The following C8B variants were observed in gnomAD, a reference collection of about 807,000 sequenced individuals.
The protein encoded by C8B is complement component C8 beta chain.
Under a neutral mutation model 64.6 loss-of-function variants are expected in C8B, and 67 were observed. The observed-to-expected ratio is 1.04, with a 90% CI of 0.85 to 1.27. The LOEUF (loss-of-function observed/expected upper bound fraction) is 1.27. C8B is among the 50% of genes most tolerant of loss of function. The pLI, the probability that C8B is intolerant of heterozygous loss-of-function variation, is 0.00. For missense variants in C8B, 790 were observed against 725.2 expected, an observed-to-expected ratio of 1.09 and a Z score of -1.03; for synonymous variants, 284 against 257.7, an observed-to-expected ratio of 1.10 and a Z score of -0.98.
rs1045562025 is a variant in C8B at position 56,940,987 on chromosome 1, C to T, written c.1260G>A (p.Val420=). 1 of 1,614,140 alleles carries T rather than the reference C, an allele frequency of 6.2e-7. No homozygotes were observed. Among genetic ancestry groups the T allele is most frequent in the Non-Finnish European group, 8.5e-7 (1 of 1,180,028 alleles). ...CTCGTACCAGGACCACCAAGTCCTC[C>T]ACCATGGTGTCCCTCTTGTTTCTGT... ...IKDRNKRDTM[V]EDLVVLVRGG... is the part of the protein sequence containing the mutation. Residue 420 remains valine (V), a synonymous_variant, in exon 9 of 12, where the codon GTG becomes GTA. Transcript: ENST00000371237.
At chr1:56,931,750 C>T (rs781599165) in intron 11 of C8B, 60 bp downstream of exon 11, 27 of 1,177,844 alleles carry the variant, frequency 2.3e-5, no homozygotes, top group East Asian at 4.8e-5. Context: ...CAGCTCCTTG[C>T]TCTTCTTCTG....
chr1:56,948,005 C>T (rs951181943), intron 6 of C8B, among the ~76,000 whole-genome samples: 6 of 152,102 alleles, frequency 3.9e-5, no homozygotes, highest in Non-Finnish European at 8.8e-5. Flanking sequence ...GTTTGCTGCT[C>T]CTACTACACT....
At chr1:56,931,595 A>G (rs1644701662) in intron 11 of C8B, 2 of 512,706 alleles carry the variant, frequency 3.9e-6, no homozygotes, top group Non-Finnish European at 7.3e-6. Context: ...TTTCTCTAAC[A>G]TGAAGCACTC....
intron 5 of C8B, 87 bp downstream of exon 5, chr1:56,951,961 G>GGATGTGTCCAAGGTCACA: frequency 2.9e-6 from 4 of 1,402,878 alleles, no homozygotes; most frequent in Non-Finnish European, 3.8e-6. Context: ...AGAGAAAAGG[G>GGATGTGTCCAAGGTCACA]CTAGCAGGCT....
At position 56,933,475 on chromosome 1, in the gene C8B, T is replaced by C; in HGVS notation, c.1412A>G (p.Tyr471Cys). 2 of 1,613,786 alleles carry C rather than the reference T, an allele frequency of 1.2e-6. No homozygotes were observed. Among genetic ancestry groups the C allele is most frequent in the South Asian group, 1.1e-5 (1 of 91,080 alleles). The change falls in exon 10 of 12, where the codon TAT becomes TGT. Residue 471 changes from tyrosine to cysteine, a missense_variant. Transcript: ENST00000371237. ...AAAATCTGTGGCTGTCACTAGTTCA[T>C]ACAGAGGCTCCACCTGGAAAGGGAA... ...AIIKVKVEPLYELVTATDFAY... is the reference protein window; with the variant it reads ...AIIKVKVEPLCELVTATDFAY...
intron 3 of C8B, among the ~76,000 whole-genome samples, chr1:56,956,197 A>T (rs1297267487): frequency 6.6e-6 from 1 of 152,210 alleles, no homozygotes; most frequent in Non-Finnish European, 1.5e-5. Context: ...TGCCCTATGT[A>T]ACCGTTCTAG....
rs568012433 is a variant in C8B at position 56,936,023 on chromosome 1, A to T, written c.1399-2535T>A. ...TATCCTTCTATATGGATGAGCCACA[A>T]TGTATTCAACTCTTCTTCTGTTCTT... On this transcript the variant is annotated intron_variant, in intron 9 of 11. Coordinates refer to ENST00000371237, the MANE Select transcript of C8B (RefSeq NM_000066.4). Among the ~76,000 whole-genome samples the T allele has an allele frequency of 6.6e-5, 10 of 152,338 alleles. No homozygotes were observed. In the South Asian group the frequency reaches 2.1e-3, roughly 32 times the overall value.
At chr1:56,963,375 G>A (rs1306082019) in intron 1 of C8B, among the ~76,000 whole-genome samples, 2 of 152,158 alleles carry the variant, frequency 1.3e-5, no homozygotes, top group African/African-American at 4.8e-5. Flanking sequence ...AATTTGTTAA[G>A]CAGCTGCATC....
intron 9 of C8B, among the ~76,000 whole-genome samples, chr1:56,937,040 G>A (rs1404951920): frequency 6.6e-6 from 1 of 152,170 alleles, no homozygotes; most frequent in East Asian, 1.9e-4. Context: ...GAAAATCTTT[G>A]ATACCTTGCT....
In C8B at chr1:56,944,799, G is replaced by T. The variant is rs567882424; in HGVS notation, c.1106-975C>A. ...GCCACACTGTAAAAATTTACATGGTGTACCACGTGTCCTCTTGCAAGTACA... is the reference window on the plus strand; with the variant it reads ...GCCACACTGTAAAAATTTACATGGTTTACCACGTGTCCTCTTGCAAGTACA... On this transcript the variant is annotated intron_variant, in intron 7 of 11. Coordinates refer to ENST00000371237, the MANE Select transcript of C8B (RefSeq NM_000066.4). 3.9e-5 allele frequency among the ~76,000 whole-genome samples: 6 copies of T among 152,350 alleles called. No homozygotes were observed. The South Asian group carries it at 1.2e-3, about 32-fold the overall frequency.
intron 2 of C8B, among the ~76,000 whole-genome samples, chr1:56,958,327 T>TTAA (rs1179753748): frequency 6.6e-6 from 1 of 152,116 alleles, no homozygotes; most frequent in African/African-American, 2.4e-5. Context: ...CAGGATGACA[T>TTAA]TAATAAGGCA....
intron 9 of C8B, among the ~76,000 whole-genome samples, chr1:56,934,658 A>G (rs1443621188): frequency 6.6e-6 from 1 of 152,138 alleles, no homozygotes; most frequent in East Asian, 1.9e-4. Context: ...TTCTTAATGC[A>G]TCTGATGCTG....
At chr1:56,948,493 C>T (rs183780782) in intron 6 of C8B, among the ~76,000 whole-genome samples, 6 of 152,220 alleles carry the variant, frequency 3.9e-5, no homozygotes, top group African/African-American at 1.4e-4. Context: ...CTTGGAGTGT[C>T]AGCACAATGC....
At chr1:56,964,501 G>A (rs754077436) in intron 1 of C8B, among the ~76,000 whole-genome samples, 7 of 152,126 alleles carry the variant, frequency 4.6e-5, no homozygotes, top group East Asian at 1.9e-4. Context: ...CTCACGCACC[G>A]TTGCCTGTGC....
Position 56,949,567 on chromosome 1 carries a change from T to G in C8B, c.852A>C (p.Arg284=). 1 of 1,613,134 alleles carries G rather than the reference T, an allele frequency of 6.2e-7. No individual in the cohort carries two copies. The highest frequency in any genetic ancestry group is 2.2e-5 in the East Asian group (1 of 44,838). ...RGKHYIRRTK[R]FSHTKSVFLH... ...AAGACATACTTACAGTATGAGAGAA[T>G]CGTTTGGTTCTCCTAATATAGTGTT... Residue 284 remains arginine (R), a synonymous_variant, in exon 6 of 12, where the codon CGA becomes CGC. Transcript: ENST00000371237.
At chr1:56,951,127 G>T (rs987593045) in intron 5 of C8B, among the ~76,000 whole-genome samples, 1 of 152,112 alleles carries the variant, frequency 6.6e-6, no homozygotes, top group Non-Finnish European at 1.5e-5. Flanking sequence ...CACCAAGCTG[G>T]AGTGCAGTGG....
intron 1 of C8B, among the ~76,000 whole-genome samples, chr1:56,962,964 A>G (rs939678770): frequency 1.3e-5 from 2 of 152,194 alleles, no homozygotes; most frequent in African/African-American, 4.8e-5. Flanking sequence ...TTTTGTCTGG[A>G]TGTTCTATCA....
intron 9 of C8B, among the ~76,000 whole-genome samples, chr1:56,937,320 G>A (rs1296354363): frequency 2.0e-5 from 3 of 152,204 alleles, no homozygotes; most frequent in Non-Finnish European, 4.4e-5. Context: ...AGCTGGATCT[G>A]TGAGCAACTA....
Position 56,949,674 on chromosome 1 carries a change from C to A in C8B, c.745G>T (p.Ala249Ser), listed in dbSNP as rs774266775. The part of the protein sequence containing the change: ...DFERNVTEKM[A>S]SKSGFSFGFK... ...CCAAAACTGAAACCAGACTTGCTTG[C>A]CATTTTCTCTGTGACATTGCGTTCA... Residue 249 changes from alanine (A) to serine (S), a missense_variant, in exon 6 of 12, where the codon GCA becomes TCA. Ala to Ser is a moderately conservative substitution (Grantham distance 99, BLOSUM62 1). Transcript: ENST00000371237. The A allele has an allele frequency of 6.2e-7, 1 of 1,613,846 alleles. No homozygotes were observed. Among genetic ancestry groups the A allele is most frequent in the Admixed American group, 1.7e-5 (1 of 60,002 alleles).
Sources: gnomAD v4.1 joint callset for allele counts (sites outside exome capture counted in the v4.1 genomes callset) on GRCh38, gnomAD v4.1.1 for gene constraint, MANE v1.5 for transcripts, NCBI Gene and HGNC (gene_info 2026-07-23, HGNC 2026-07-21) for gene names.